Variants in USH2A observed in about 807,000 individuals in gnomAD.
USH2A encodes Usher syndrome 2A (autosomal recessive, mild).
In USH2A, 443 loss-of-function variants were observed where a neutral mutation model predicts 538.9. That is an observed-to-expected ratio of 0.82 (90% CI 0.76 to 0.89). USH2A has a LOEUF of 0.89. Among genes scored for constraint, USH2A ranks in the 40% least tolerant of loss-of-function variants. The pLI is 0.00. For missense variants in USH2A, 6,633 were observed against 6,324.8 expected (o/e 1.05, Z -1.65); for synonymous variants, 2,413 against 2,273.5 (o/e 1.06, Z -1.75).
chr1:215,750,207 G>A (rs1660582940), intron 58 of USH2A, among the ~76,000 whole-genome samples: 1 of 152,286 alleles, frequency 6.6e-6, no homozygotes, highest in African/African-American at 2.4e-5. Flanking sequence ...TATAGGTAGG[G>A]AAACCTTGAT....
chr1:216,322,577 A>G (rs1218760090), intron 8 of USH2A, among the ~76,000 whole-genome samples: 1 of 150,028 alleles, frequency 6.7e-6, no homozygotes, highest in South Asian at 2.1e-4. Flanking sequence ...ATTGCATGCC[A>G]GCCTGGGTGA....
At chr1:215,879,204 T>A in intron 41 of USH2A, 106 bp from the exon 42 acceptor site, 1 of 965,966 alleles carries the variant, frequency 1.0e-6, no homozygotes, top group Non-Finnish European at 1.7e-6. Context: ...AGTCATTTTC[T>A]AAATGGCTAC....
chr1:216,170,481 C>T (rs1307626793), intron 21 of USH2A, among the ~76,000 whole-genome samples: 2 of 152,090 alleles, frequency 1.3e-5, no homozygotes, highest in African/African-American at 2.4e-5. Flanking sequence ...TATCCAGGTG[C>T]ATGTGTGTGC....
intron 29 of USH2A, chr1:216,072,598 T>G (rs752131517): frequency 2.3e-6 from 1 of 438,604 alleles, no homozygotes; most frequent in Non-Finnish European, 4.2e-6. Flanking sequence ...TTAGACATGT[T>G]AGGTAGGTGG....
intron 44 of USH2A, among the ~76,000 whole-genome samples, chr1:215,846,490 A>G (rs1378324267): frequency 6.6e-6 from 1 of 152,144 alleles, no homozygotes; most frequent in Non-Finnish European, 1.5e-5. Flanking sequence ...TTGGGATTAG[A>G]GGTATGAACA....
chr1:215,660,806 C>T (rs1423350385), intron 64 of USH2A, among the ~76,000 whole-genome samples: 2 of 152,084 alleles, frequency 1.3e-5, no homozygotes, highest in African/African-American at 4.8e-5. Flanking sequence ...TTTCTAGATG[C>T]TTATAGGCAT....
At chr1:215,736,969 T>C (rs1660172314) in intron 60 of USH2A, among the ~76,000 whole-genome samples, 1 of 151,980 alleles carries the variant, frequency 6.6e-6, no homozygotes, top group Non-Finnish European at 1.5e-5. Context: ...ACCCAGTACT[T>C]CTAGTACTAA....
chr1:216,312,736 G>T, intron 9 of USH2A, among the ~76,000 whole-genome samples: 1 of 152,148 alleles, frequency 6.6e-6, no homozygotes, highest in East Asian at 1.9e-4. Flanking sequence ...CATCAGAGCC[G>T]CTTTAAGTTT....
chr1:216,131,928 C>A (rs1358814578), intron 21 of USH2A, among the ~76,000 whole-genome samples: 1 of 151,994 alleles, frequency 6.6e-6, no homozygotes, highest in Non-Finnish European at 1.5e-5. Context: ...ATAGTTCTAG[C>A]AGAAAGGCAT....
intron 32 of USH2A, 69 bp from the exon 33 acceptor site, chr1:216,000,631 A>G: frequency 6.4e-7 from 1 of 1,568,178 alleles, no homozygotes; most frequent in Non-Finnish European, 8.8e-7. Context: ...TCACTCCTCC[A>G]CTATAGTCCT....
At chr1:215,636,124 T>C (rs1571920551) in intron 69 of USH2A, among the ~76,000 whole-genome samples, 1 of 151,872 alleles carries the variant, frequency 6.6e-6, no homozygotes, top group African/African-American at 2.4e-5. Context: ...CACAGCCAGG[T>C]CAGAAGAACA....
intron 13 of USH2A, among the ~76,000 whole-genome samples, chr1:216,238,051 T>C (rs1206152883): frequency 1.3e-5 from 2 of 152,214 alleles, no homozygotes; most frequent in Non-Finnish European, 2.9e-5. Flanking sequence ...CCAATTCCAT[T>C]GGCAGGGTCT....
Position 215,799,015 on chromosome 1 carries a change from C to T in USH2A, c.9850G>A (p.Gly3284Arg), listed in dbSNP as rs1388923253. The change falls in exon 50 of 72, where the codon GGG (glycine) becomes AGG (arginine). Residue 3284 changes from glycine to arginine, a missense_variant. Gly to Arg is a moderately radical substitution (Grantham distance 125). Transcript: ENST00000307340. ...TGGCCATGGCCATCATGAAGCCTCC[C>T]AGCACAGCAAATCTGGTTTCCTGAG... is the stretch of plus-strand genomic sequence containing the variant. ...STSGNQICCA[G>R]RLHDGHGQKC... 6.2e-7 allele frequency: 1 copy of T among 1,613,992 alleles called. No individual in the cohort carries two copies. Among genetic ancestry groups the T allele is most frequent in the African/African-American group, 1.3e-5 (1 of 74,936 alleles).
chr1:216,028,102 A>T (rs1669011527), intron 32 of USH2A, among the ~76,000 whole-genome samples: 1 of 152,178 alleles, frequency 6.6e-6, no homozygotes, highest in African/African-American at 2.4e-5. Flanking sequence ...AGATTCACAG[A>T]AGTGGCCGGG....
intron 11 of USH2A, among the ~76,000 whole-genome samples, chr1:216,285,870 A>G (rs1254305384): frequency 6.6e-6 from 1 of 152,164 alleles, no homozygotes; most frequent in Non-Finnish European, 1.5e-5. Context: ...TTGCATGGGG[A>G]CTGTAGGCCC....
Position 216,076,522 on chromosome 1 carries a change from A to T in USH2A, c.5572+1567T>A, listed in dbSNP as rs560691710. 5.4e-5 allele frequency among the ~76,000 whole-genome samples: 8 copies of T among 149,340 alleles called. No homozygotes were observed. The East Asian group carries it at 1.6e-3, about 29-fold the overall frequency. On this transcript the variant is annotated intron_variant, in intron 27 of 71. Transcript: ENST00000307340. ...TGCAGGGTTTTTGTTTCTTGTTTTT[A>T]TTTTTTTTTTCCCAGAAGCAAACAG...
chr1:215,905,952 C>T (rs17025589), intron 38 of USH2A, among the ~76,000 whole-genome samples: 1,833 of 152,216 alleles, frequency 0.012, 31 homozygotes, highest in East Asian at 0.064. Context: ...TTACACATTT[C>T]TTCATCATTT....
intron 44 of USH2A, among the ~76,000 whole-genome samples, chr1:215,859,831 T>C (rs377450164): frequency 6.6e-6 from 1 of 152,184 alleles, no homozygotes; most frequent in African/African-American, 2.4e-5. Flanking sequence ...CCTTAAATTA[T>C]TGCCATGGTT....
chr1:215,979,079 T>C (rs1239725353), intron 35 of USH2A, among the ~76,000 whole-genome samples: 2 of 152,160 alleles, frequency 1.3e-5, no homozygotes, highest in Non-Finnish European at 2.9e-5. Flanking sequence ...TAGGGAGGCC[T>C]CCTAATCATG....
Sources: allele counts gnomAD v4.1 joint callset (sites outside exome capture counted in the v4.1 genomes callset), GRCh38; gene constraint gnomAD v4.1.1; transcripts MANE v1.5; gene names NCBI Gene and HGNC (gene_info 2026-07-23, HGNC 2026-07-21).